The following GPATCH2 variants were observed in gnomAD, a reference collection of about 807,000 sequenced individuals.
GPATCH2 encodes the protein G patch domain-containing protein 2.
A neutral mutation model predicts 58.0 loss-of-function variants in GPATCH2; 51 were observed. The ratio of observed to expected loss-of-function variants is 0.88; its 90% CI spans 0.70 to 1.11. The LOEUF is 1.11. GPATCH2 is among the 50% of genes most tolerant of loss of function. The probability of loss-of-function intolerance (pLI) is 0.00; values close to 1 mark genes in which losing one functional copy is unlikely to be tolerated. For missense variants in GPATCH2, 625 were observed against 652.2 expected, an observed-to-expected ratio of 0.96 and a Z score of 0.45; for synonymous variants, 222 against 218.5, an observed-to-expected ratio of 1.02 and a Z score of -0.14.
intron 5 of GPATCH2, among the ~76,000 whole-genome samples, chr1:217,540,508 T>C (rs1482697593): frequency 6.6e-6 from 1 of 152,208 alleles, no homozygotes; most frequent in Non-Finnish European, 1.5e-5. Context: ...TTTTCAAAAA[T>C]ATAAAATCTT....
chr1:217,595,278 C>T (rs145685570), intron 5 of GPATCH2, among the ~76,000 whole-genome samples: 16 of 152,066 alleles, frequency 1.1e-4, no homozygotes, highest in African/African-American at 3.4e-4. Flanking sequence ...GTAAAAAAAC[C>T]CTTGAATCTT....
chr1:217,449,651 A>C (rs1310472011), intron 8 of GPATCH2, among the ~76,000 whole-genome samples: 2 of 152,244 alleles, frequency 1.3e-5, no homozygotes, highest in Admixed American at 6.5e-5. Flanking sequence ...AGCTAAGATT[A>C]ATTATCTAAA....
chr1:217,430,831 A>G lies in GPATCH2; in HGVS notation c.*314T>C, dbSNP rs988152342. On this transcript the variant is annotated 3_prime_UTR_variant, in exon 10 of 10. Transcript: ENST00000366935. ...GGGCATTGCAGCACTGCACACATAC[A>G]TGAATTAAGCAAAGCATCGGAAAGT... is the stretch of plus-strand genomic sequence containing the variant. The G allele has an allele frequency of 2.7e-6, 1 of 375,740 alleles. No homozygotes were observed. Among genetic ancestry groups the G allele is most frequent in the East Asian group, 5.9e-5 (1 of 17,040 alleles). The allele number at this position is 375,740 out of a possible 1,614,324, so 23.3% of individuals were successfully genotyped here.
intron 5 of GPATCH2, among the ~76,000 whole-genome samples, chr1:217,571,579 A>C (rs192010747): frequency 6.6e-6 from 1 of 151,648 alleles, no homozygotes; most frequent in African/African-American, 2.4e-5. Flanking sequence ...AGGGTGAAAA[A>C]TAACTGAAAG....
chr1:217,482,047 T>G (rs1467123550), intron 8 of GPATCH2, among the ~76,000 whole-genome samples: 2 of 152,100 alleles, frequency 1.3e-5, no homozygotes, highest in Non-Finnish European at 2.9e-5. Flanking sequence ...TATAGATAAG[T>G]AAACTGAGAG....
At chr1:217,517,069 T>A (rs1663199278) in intron 5 of GPATCH2, among the ~76,000 whole-genome samples, 1 of 152,156 alleles carries the variant, frequency 6.6e-6, no homozygotes, top group Non-Finnish European at 1.5e-5. Flanking sequence ...TCAGAAATAA[T>A]CATACTATGT....
intron 5 of GPATCH2, among the ~76,000 whole-genome samples, chr1:217,542,266 TC>T (rs1664784947): frequency 6.6e-6 from 1 of 152,214 alleles, no homozygotes; most frequent in Non-Finnish European, 1.5e-5. Flanking sequence ...CCTGATTTTT[TC>T]CACAGGAAAA....
At chr1:217,518,185 T>TA (rs2102590196) in intron 5 of GPATCH2, among the ~76,000 whole-genome samples, 1 of 152,280 alleles carries the variant, frequency 6.6e-6, no homozygotes, top group South Asian at 2.1e-4. Context: ...AACTTTTGTG[T>TA]CCTAATTCTA....
At chr1:217,607,076 A>C (rs1283904356) in intron 5 of GPATCH2, among the ~76,000 whole-genome samples, 1 of 152,198 alleles carries the variant, frequency 6.6e-6, no homozygotes, top group African/African-American at 2.4e-5. Flanking sequence ...CTGCAATATC[A>C]CTTTGCTCTC....
At chr1:217,534,207 C>A (rs2102629304) in intron 5 of GPATCH2, among the ~76,000 whole-genome samples, 1 of 152,066 alleles carries the variant, frequency 6.6e-6, no homozygotes, top group African/African-American at 2.4e-5. Flanking sequence ...CAGAACGAGA[C>A]CCTGTCTCAA....
intron 5 of GPATCH2, among the ~76,000 whole-genome samples, chr1:217,589,468 T>A (rs1384105311): frequency 6.6e-6 from 1 of 152,186 alleles, no homozygotes; most frequent in African/African-American, 2.4e-5. Flanking sequence ...GCAGAGATGG[T>A]CATTTCACTT....
chr1:217,502,158 C>A (rs1300712482), intron 6 of GPATCH2, among the ~76,000 whole-genome samples: 1 of 151,944 alleles, frequency 6.6e-6, no homozygotes, highest in Non-Finnish European at 1.5e-5. Flanking sequence ...TAGGATAATT[C>A]CTACAACTTT....
intron 1 of GPATCH2, among the ~76,000 whole-genome samples, chr1:217,623,340 T>C (rs1230214919): frequency 2.0e-5 from 3 of 152,166 alleles, no homozygotes; most frequent in African/African-American, 4.8e-5. Context: ...AGAACATTTA[T>C]AGTACTAACA....
chr1:217,609,702 T>TA, intron 5 of GPATCH2: 1 of 968,066 alleles, frequency 1.0e-6, no homozygotes. Flanking sequence ...AAGACTTCTC[T>TA]AAAAATGAAC....
At chr1:217,569,165 C>T (rs1031019922) in intron 5 of GPATCH2, among the ~76,000 whole-genome samples, 1 of 150,878 alleles carries the variant, frequency 6.6e-6, no homozygotes, top group African/African-American at 2.4e-5. Flanking sequence ...AATATGAGAC[C>T]AGTACAGATG....
rs572178532 is a variant in GPATCH2, at chr1:217,434,905, AAAC to A, written c.1367-3543_1367-3541del. On this transcript the variant is annotated intron_variant, in intron 9 of 9. Coordinates refer to ENST00000366935, the MANE Select transcript of GPATCH2 (RefSeq NM_018040.5). ...TTCATTTCTCTTCTTCATAAAAATA[AAAC>A]AATATAACATAAAACAAAGCATTAT... Among the ~76,000 whole-genome samples the A allele has an allele frequency of 2.2e-3, 328 of 152,314 alleles. 2 individuals carry two copies. Among genetic ancestry groups the A allele is most frequent in the African/African-American group, 7.7e-3 (318 of 41,566 alleles).
chr1:217,584,344 A>AAAAAAAAAAAAAAAAATATAT (rs1463910405), intron 5 of GPATCH2, among the ~76,000 whole-genome samples: 7 of 101,852 alleles, frequency 6.9e-5, no homozygotes, highest in South Asian at 6.9e-4. Flanking sequence ...AAAAAAAAAA[A>AAAAAAAAAAAAAAAAATATAT]ATATATATAT....
rs550321784 is a variant in GPATCH2 at position 217,617,361 on chromosome 1, T to C, written c.773+2422A>G. On this transcript the variant is annotated intron_variant, in intron 2 of 9. Transcript: ENST00000366935. ...CTACTTGCTTTAAAGCACAGTTCCC[T>C]TAGCAAGTCTTCCCTCACTAATACT... is the stretch of plus-strand genomic sequence containing the variant. Among the ~76,000 whole-genome samples, 29 of 152,334 alleles carry C rather than the reference T, an allele frequency of 1.9e-4. No individual in the cohort carries two copies. The South Asian group carries it at 6.0e-3, about 32-fold the overall frequency.
At chr1:217,513,150 C>T (rs1310428784) in intron 6 of GPATCH2, among the ~76,000 whole-genome samples, 3 of 152,058 alleles carry the variant, frequency 2.0e-5, no homozygotes, top group Non-Finnish European at 2.9e-5. Flanking sequence ...ATTAGCCAGG[C>T]GTGGTGGCAC....
Sources: allele counts gnomAD v4.1 joint callset (sites outside exome capture counted in the v4.1 genomes callset), GRCh38; gene constraint gnomAD v4.1.1; transcripts MANE v1.5; gene names NCBI Gene and HGNC (gene_info 2026-07-23, HGNC 2026-07-21).